The following MSRB2 variants were observed in gnomAD, a reference collection of about 807,000 sequenced individuals.
The protein encoded by MSRB2 is methionine sulfoxide reductase B2.
In MSRB2, 17 loss-of-function variants were observed where a neutral mutation model predicts 19.0. The ratio of observed to expected loss-of-function variants is 0.89; its 90% CI spans 0.61 to 1.34. The LOEUF is 1.34. Among genes scored for constraint, MSRB2 ranks in the 40% most tolerant of loss-of-function variants. The pLI, the probability that MSRB2 is intolerant of heterozygous loss-of-function variation, is 0.00. For synonymous variants in MSRB2, 107 were observed against 99.7 expected (o/e 1.07, Z -0.44); for missense variants, 208 against 237.6 (o/e 0.88, Z 0.82).
chr10:23,104,596 A>G (rs1839964182), intron 2 of MSRB2, among the ~76,000 whole-genome samples: 1 of 152,136 alleles, frequency 6.6e-6, no homozygotes, highest in African/African-American at 2.4e-5. Context: ...TCTTTGGAAA[A>G]CACAGATCTG....
intron 1 of MSRB2, among the ~76,000 whole-genome samples, chr10:23,099,119 C>T (rs1403907750): frequency 2.0e-5 from 3 of 152,192 alleles, no homozygotes; most frequent in African/African-American, 2.4e-5. Flanking sequence ...AATGCAGTCA[C>T]ATTTTAAAGT....
rs576912417 is a variant in MSRB2, at chr10:23,115,772, C to T, written c.297-3532C>T. Among the ~76,000 whole-genome samples, 44 of 152,194 alleles carry T rather than the reference C, an allele frequency of 2.9e-4. 1 individual carries two copies. Among genetic ancestry groups the T allele is most frequent in the Admixed American group, 2.9e-3 (44 of 15,294 alleles). On this transcript the variant is annotated intron_variant, in intron 3 of 4. Transcript: ENST00000376510. ...CTCATATTACTTGGTAAAAATCTCC[C>T]GATTCTGCTAATTGCATCAATAAAG...
At position 23,119,419 on chromosome 10, in the gene MSRB2, G is replaced by A. The variant is rs1317625485; in HGVS notation, c.412G>A (p.Gly138Arg). The A allele has an allele frequency of 6.2e-7, 1 of 1,614,088 alleles. No individual in the cohort carries two copies. Among genetic ancestry groups the A allele is most frequent in the Non-Finnish European group, 8.5e-7 (1 of 1,179,996 alleles). ...CCTGAGACGTCTGGATACCTCGTTA[G>A]GATCAGCTCGCACAGAGGTTGTCTG... ...GILRRLDTSL[G>R]SARTEVVCKQ... The change falls in exon 4 of 5, where the codon GGA (glycine) becomes AGA (arginine). Residue 138 changes from glycine to arginine, a missense_variant. Physicochemically the swap from Gly to Arg is moderately radical, Grantham distance 125. Transcript: ENST00000376510.
Position 23,098,126 on chromosome 10 carries a change from C to T in MSRB2, c.118+2400C>T, listed in dbSNP as rs191374376. 8.5e-5 allele frequency among the ~76,000 whole-genome samples: 13 copies of T among 152,214 alleles called. No homozygotes were observed. In the East Asian group the frequency reaches 2.5e-3, roughly 29 times the overall value. ...GTCCTGGGCATAGGGTTAAAATAGTCCAGGCACTGGTGGGAGAGACTAGTT... is the reference window on the plus strand; with the variant it reads ...GTCCTGGGCATAGGGTTAAAATAGTTCAGGCACTGGTGGGAGAGACTAGTT... On this transcript the variant is annotated intron_variant, in intron 1 of 4. Transcript: ENST00000376510.
At chr10:23,110,868 A>T (rs1840043380) in intron 3 of MSRB2, among the ~76,000 whole-genome samples, 1 of 152,142 alleles carries the variant, frequency 6.6e-6, no homozygotes, top group South Asian at 2.1e-4. Flanking sequence ...GTCAATCAGG[A>T]TCTGAAATCT....
At chr10:23,105,063 A>T (rs1176783128) in intron 2 of MSRB2, among the ~76,000 whole-genome samples, 1 of 152,194 alleles carries the variant, frequency 6.6e-6, no homozygotes, top group Non-Finnish European at 1.5e-5. Context: ...TGAATGTTGA[A>T]TGACTGCCGG....
chr10:23,119,056 G>C (rs911144361), intron 3 of MSRB2: 1 of 616,000 alleles, frequency 1.6e-6, no homozygotes, highest in African/African-American at 1.8e-5. Context: ...ATCCTTGTTG[G>C]ATATCCAGAA....
At chr10:23,113,978 A>G (rs1356247401) in intron 3 of MSRB2, among the ~76,000 whole-genome samples, 1 of 152,226 alleles carries the variant, frequency 6.6e-6, no homozygotes. Context: ...TAGATGCTCC[A>G]TAAGTACGTA....
chr10:23,118,341 T>C (rs1840138246), intron 3 of MSRB2, among the ~76,000 whole-genome samples: 1 of 148,376 alleles, frequency 6.7e-6, no homozygotes, highest in South Asian at 2.2e-4. Context: ...TTTTTTGTTT[T>C]TTTTTTTTTT....
chr10:23,121,037 T>C lies in MSRB2; in HGVS notation c.*175T>C, dbSNP rs1588973016. On this transcript the variant is annotated 3_prime_UTR_variant, in exon 5 of 5. Coordinates refer to ENST00000376510, the MANE Select transcript of MSRB2 (RefSeq NM_012228.4). Reference sequence around the variant, plus strand: ...CTGGAATCAACTTAATCCTGTGTGTTAGGCTGTTCTTGTGTTGCTATAAAG... The same window carrying C: ...CTGGAATCAACTTAATCCTGTGTGTCAGGCTGTTCTTGTGTTGCTATAAAG... 3.7e-6 allele frequency: 2 copies of C among 543,868 alleles called. No individual in the cohort carries two copies. Among genetic ancestry groups the C allele is most frequent in the Non-Finnish European group, 6.5e-6 (2 of 306,278 alleles). The allele number at this position is 543,868 out of a possible 1,614,324, so 33.7% of individuals were successfully genotyped here. A position where few individuals can be genotyped will look rare whatever the true frequency, so the allele number is the denominator to read the frequency against.
intron 3 of MSRB2, among the ~76,000 whole-genome samples, chr10:23,112,906 T>C (rs1449319553): frequency 6.6e-6 from 1 of 152,210 alleles, no homozygotes; most frequent in Non-Finnish European, 1.5e-5. Context: ...TCTTAAGCAA[T>C]AGATCCCTCT....
At chr10:23,096,441 G>A (rs1839871141) in intron 1 of MSRB2, among the ~76,000 whole-genome samples, 3 of 151,814 alleles carry the variant, frequency 2.0e-5, no homozygotes, top group Admixed American at 2.0e-4. Context: ...GCAGGAAGGA[G>A]TCACCTCGGG....
chr10:23,111,411 G>T (rs1161922063), intron 3 of MSRB2, among the ~76,000 whole-genome samples: 1 of 152,240 alleles, frequency 6.6e-6, no homozygotes, highest in Non-Finnish European at 1.5e-5. Flanking sequence ...CTGCCAGCGT[G>T]TCAAGGGCTC....
In MSRB2 at chr10:23,104,185, T is replaced by C; in HGVS notation, c.160T>C (p.Trp54Arg). ...TCELPLAKSEWQKKLTPEQFY... is the reference protein window; with the variant it reads ...TCELPLAKSERQKKLTPEQFY... ...TGAGCTGCCTCTTGCCAAGAGTGAG[T>C]GGCAAAAGAAACTAACCCCGGAGCA... The change falls in exon 2 of 5, where the codon TGG (tryptophan) becomes CGG (arginine). Residue 54 changes from tryptophan to arginine, a missense_variant. Coordinates refer to ENST00000376510, the MANE Select transcript of MSRB2 (RefSeq NM_012228.4). The C allele has an allele frequency of 6.2e-7, 1 of 1,613,824 alleles. No individual in the cohort carries two copies.
Position 23,120,998 on chromosome 10 carries a change from CTTAAT to C in MSRB2, c.*140_*144del. On this transcript the variant is annotated 3_prime_UTR_variant, in exon 5 of 5. Transcript: ENST00000376510. ...CTGTCTCCAGCGAGTCATTGCTTCT[CTTAAT>C]TTATTTACCTGGAATCAACTTAATC... The C allele has an allele frequency of 1.5e-6, 1 of 647,854 alleles. No homozygotes were observed. Among genetic ancestry groups the C allele is most frequent in the Non-Finnish European group, 2.7e-6 (1 of 372,392 alleles). The allele number at this position is 647,854 out of a possible 1,614,324, so 40.1% of individuals were successfully genotyped here.
chr10:23,119,456 G>A lies in MSRB2; in HGVS notation c.444+5G>A, dbSNP rs1176643304. 3 of 1,610,816 alleles carry A rather than the reference G, an allele frequency of 1.9e-6. No homozygotes were observed. The highest frequency in any genetic ancestry group is 2.5e-6 in the Non-Finnish European group (3 of 1,177,800). On this transcript the variant is annotated splice_donor_5th_base_variant and intron_variant, in intron 4 of 4. Transcript: ENST00000376510. Reference sequence around the variant, plus strand: ...ACAGAGGTTGTCTGCAAGCAGGTGAGGTTTCTCATTTTGTTTTACTTTCCC... The same window carrying A: ...ACAGAGGTTGTCTGCAAGCAGGTGAAGTTTCTCATTTTGTTTTACTTTCCC...
At chr10:23,116,027 G>T (rs1195620530) in intron 3 of MSRB2, among the ~76,000 whole-genome samples, 1 of 152,136 alleles carries the variant, frequency 6.6e-6, no homozygotes, top group African/African-American at 2.4e-5. Context: ...GGGTTGCAAA[G>T]AATCCGACCT....
chr10:23,106,651 C>A (rs998216808), intron 2 of MSRB2, among the ~76,000 whole-genome samples: 2 of 152,224 alleles, frequency 1.3e-5, no homozygotes, highest in African/African-American at 4.8e-5. Context: ...ATGGCAGTGG[C>A]TGTGTTCCTG....
At chr10:23,120,650 A>G in intron 4 of MSRB2, 108 bp from the exon 5 acceptor site, 1 of 678,486 alleles carries the variant, frequency 1.5e-6, no homozygotes, top group Non-Finnish European at 2.5e-6. Flanking sequence ...CTCCTAACAC[A>G]GATGTCAGAC....
Sources: allele counts gnomAD v4.1 joint callset (sites outside exome capture counted in the v4.1 genomes callset), GRCh38; gene constraint gnomAD v4.1.1; transcripts MANE v1.5; gene names NCBI Gene and HGNC (gene_info 2026-07-23, HGNC 2026-07-21).